The following AGO2 variants were observed in gnomAD, a reference collection of about 807,000 sequenced individuals.
AGO2 encodes argonaute RISC catalytic component 2.
In AGO2, 5 loss-of-function variants were observed where a neutral mutation model predicts 102.3. The observed-to-expected ratio is 0.05, with a 90% CI of 0.03 to 0.10. The LOEUF (loss-of-function observed/expected upper bound fraction) is 0.10. Among genes scored for constraint, AGO2 ranks in the 10% least tolerant of loss-of-function variants. The pLI is 1.00. For synonymous variants in AGO2, 449 were observed against 473.1 expected (o/e 0.95, Z 0.66); for missense variants, 541 against 1,183.7 (o/e 0.46, Z 7.97).
chr8:140,624,968 T>C (rs2074257720), intron 1 of AGO2, among the ~76,000 whole-genome samples: 1 of 152,162 alleles, frequency 6.6e-6, no homozygotes, highest in Admixed American at 6.5e-5. Context: ...CTCCAGAGCA[T>C]GCCCTCCACT....
intron 1 of AGO2, among the ~76,000 whole-genome samples, chr8:140,595,561 C>T (rs1267738624): frequency 6.9e-6 from 1 of 145,660 alleles, no homozygotes; most frequent in Non-Finnish European, 1.5e-5. Context: ...CCTGTCCCAG[C>T]CTCCCAAATA....
chr8:140,585,282 T>A lies in AGO2; in HGVS notation c.52A>T (p.Ile18Phe). ...ALAPPAPPPPIQGYAFKPPPR... is the reference protein window; with the variant it reads ...ALAPPAPPPPFQGYAFKPPPR... ...GGAGGCTTGAAGGCATATCCTTGGA[T>A]GGGGGGCGGCGGCGCAGGAGGTGCA... The change falls in exon 2 of 19, where the codon ATC becomes TTC. Residue 18 changes from isoleucine to phenylalanine, a missense_variant. Coordinates refer to ENST00000220592, the MANE Select transcript of AGO2 (RefSeq NM_012154.5). The A allele has an allele frequency of 6.2e-7, 1 of 1,613,940 alleles. No homozygotes were observed. Among genetic ancestry groups the A allele is most frequent in the Non-Finnish European group, 8.5e-7 (1 of 1,179,932 alleles).
intron 1 of AGO2, among the ~76,000 whole-genome samples, chr8:140,635,014 C>G (rs1194584314): frequency 1.3e-5 from 2 of 151,042 alleles, no homozygotes; most frequent in Non-Finnish European, 3.0e-5. Flanking sequence ...CCGACCCGGC[C>G]TCCACCCGCT....
chr8:140,562,386 G>A (rs543167996), intron 4 of AGO2, 67 bp downstream of exon 4: 2 of 1,536,358 alleles, frequency 1.3e-6, no homozygotes, highest in East Asian at 2.3e-5. Flanking sequence ...ACAGATTTCA[G>A]ACCCTGCGGG....
intron 1 of AGO2, among the ~76,000 whole-genome samples, chr8:140,594,825 CTGTGTGTG>C (rs56012516): frequency 3.4e-5 from 5 of 146,028 alleles, no homozygotes; most frequent in African/African-American, 7.7e-5. Flanking sequence ...AAGAAAAAAA[CTGTGTGTG>C]TGTGTGTGTG....
chr8:140,605,487 G>C (rs143505043), intron 1 of AGO2, among the ~76,000 whole-genome samples: 2 of 152,266 alleles, frequency 1.3e-5, no homozygotes, highest in African/African-American at 4.8e-5. Flanking sequence ...GCTGAACACA[G>C]ACGGGGGTGC....
chr8:140,556,652 G>C (rs1337254490), intron 8 of AGO2, among the ~76,000 whole-genome samples: 1 of 152,142 alleles, frequency 6.6e-6, no homozygotes, highest in Non-Finnish European at 1.5e-5. Context: ...GTGGGACGAG[G>C]TGCTGGAGCT....
intron 5 of AGO2, 96 bp from the exon 6 acceptor site, chr8:140,559,625 T>C (rs1325219590): frequency 3.3e-6 from 5 of 1,514,118 alleles, no homozygotes; most frequent in East Asian, 2.3e-5. Context: ...AGGCCAGCCA[T>C]GGTGGGGACA....
chr8:140,554,232 C>T lies in AGO2; in HGVS notation c.1269+1664G>A, dbSNP rs113412661. 6.8e-3 allele frequency among the ~76,000 whole-genome samples: 1,032 copies of T among 152,322 alleles called. 6 individuals are homozygous for T. Among genetic ancestry groups the T allele is most frequent in the African/African-American group, 0.017 (699 of 41,570 alleles). ...CTCCCCAACTCATGAAGGGGGATCA[C>T]GGGCTCTTCCTCCTGGGCTTGGGCT... On this transcript the variant is annotated intron_variant, in intron 10 of 18. Coordinates refer to ENST00000220592, the MANE Select transcript of AGO2 (RefSeq NM_012154.5).
intron 1 of AGO2, among the ~76,000 whole-genome samples, chr8:140,603,183 G>A (rs948794130): frequency 5.9e-5 from 9 of 152,156 alleles, no homozygotes; most frequent in African/African-American, 1.9e-4. Context: ...TAAAGATGGG[G>A]TCTAATCTGG....
intron 14 of AGO2, among the ~76,000 whole-genome samples, chr8:140,542,954 C>A (rs922647613): frequency 1.2e-4 from 19 of 152,186 alleles, no homozygotes; most frequent in African/African-American, 4.3e-4. Flanking sequence ...GCCTGGCCAA[C>A]ACGGTGAAAC....
chr8:140,588,288 C>T (rs538857266), intron 1 of AGO2, among the ~76,000 whole-genome samples: 2 of 152,164 alleles, frequency 1.3e-5, no homozygotes, highest in South Asian at 4.1e-4. Flanking sequence ...GATTCTAGCA[C>T]AGCGCACCTC....
intron 1 of AGO2, among the ~76,000 whole-genome samples, chr8:140,623,377 T>C (rs868660496): frequency 4.6e-5 from 7 of 152,224 alleles, no homozygotes; most frequent in Middle Eastern, 6.8e-3. Flanking sequence ...TGCACCACAC[T>C]GTGAATGCGC....
chr8:140,543,642 C>T (rs151133121), intron 14 of AGO2, among the ~76,000 whole-genome samples: 22 of 152,292 alleles, frequency 1.4e-4, no homozygotes, highest in Non-Finnish European at 2.8e-4. Context: ...GATGGGCGTT[C>T]GCCATGTTGC....
chr8:140,617,264 CTT>C (rs969497556), intron 1 of AGO2, among the ~76,000 whole-genome samples: 1 of 148,434 alleles, frequency 6.7e-6, no homozygotes, highest in Non-Finnish European at 1.5e-5. Context: ...AAGCACCACT[CTT>C]TTTTTTTTTC....
chr8:140,560,100 C>T (rs781386004), intron 5 of AGO2, among the ~76,000 whole-genome samples: 4 of 152,206 alleles, frequency 2.6e-5, no homozygotes, highest in Non-Finnish European at 5.9e-5. Context: ...TACAGGAGGC[C>T]AGCAGCAAGG....
At chr8:140,595,777 C>T (rs1374648543) in intron 1 of AGO2, among the ~76,000 whole-genome samples, 1 of 50,682 alleles carries the variant, frequency 2.0e-5, no homozygotes, top group African/African-American at 8.2e-5. Context: ...ATATTATATA[C>T]AATTGTATAT....
chr8:140,521,847 G>A lies in AGO2; in HGVS notation c.*10197C>T, dbSNP rs1056992065. The A allele has an allele frequency of 1.3e-5, 2 of 152,184 alleles. No homozygotes were observed. The highest frequency in any genetic ancestry group is 4.8e-5 in the African/African-American group (2 of 41,438). 9.4% of individuals were successfully genotyped at this position (152,184 alleles called of 1,614,324 possible). On this transcript the variant is annotated 3_prime_UTR_variant, in exon 19 of 19. Transcript: ENST00000220592. ...TAGAAAATGTGCCAGAGGAAGAGGG[G>A]GCATGAATGGCTAGAAAAGCAATGA...
chr8:140,546,728 C>T (rs755739025), intron 13 of AGO2, among the ~76,000 whole-genome samples: 6 of 152,232 alleles, frequency 3.9e-5, no homozygotes, highest in Non-Finnish European at 5.9e-5. Flanking sequence ...TCTGATTCTA[C>T]GTATTCTCCG....
Sources: gnomAD v4.1 joint callset for allele counts (sites outside exome capture counted in the v4.1 genomes callset) on GRCh38, gnomAD v4.1.1 for gene constraint, MANE v1.5 for transcripts, NCBI Gene and HGNC (gene_info 2026-07-23, HGNC 2026-07-21) for gene names.